ZNF559: variants seen among roughly 807,000 people sequenced by gnomAD.
The protein encoded by ZNF559 is putative protein product of Nbla00121.
ZNF559 carries 17 observed loss-of-function variants against 14.2 expected under a neutral mutation model. The ratio of observed to expected loss-of-function variants is 1.20; its 90% confidence interval spans 0.82 to 1.80. The LOEUF is 1.80. ZNF559 is among the 40% of genes most tolerant of loss of function. ZNF559 has a pLI of 0.00. For missense variants in ZNF559, 740 were observed against 629.7 expected, an observed-to-expected ratio of 1.18 and a Z score of -1.88; for synonymous variants, 244 against 212.4, an observed-to-expected ratio of 1.15 and a Z score of -1.29.
In ZNF559 at chr19:9,342,735, G is replaced by A. The variant is rs2067640349; in HGVS notation, c.1284G>A (p.Leu428=). The change falls in exon 7 of 7, where the codon TTG becomes TTA. Residue 428 remains leucine, a synonymous_variant. Transcript: ENST00000603380. ...FIRSSFLIRH[L]RSHSAERPFE... ...GATCCTCATTTCTTATTCGACATTT[G>A]AGAAGTCACAGTGCAGAAAGGCCTT... The A allele has an allele frequency of 1.2e-6, 2 of 1,614,122 alleles. No individual in the cohort carries two copies. Among genetic ancestry groups the A allele is most frequent in the South Asian group, 2.2e-5 (2 of 91,062 alleles).
At position 9,324,193 on chromosome 19, in the gene ZNF559, C is replaced by G; in HGVS notation, c.-241C>G. On this transcript the variant is annotated 5_prime_UTR_variant, in exon 1 of 7. Coordinates refer to ENST00000603380, the MANE Select transcript of ZNF559 (RefSeq NM_032497.3). ...TGCGTGGGCGCATGCGCATAACGGCCGCCATCTTAACAGCGCGTTCCCGTT... is the reference window on the plus strand; with the variant it reads ...TGCGTGGGCGCATGCGCATAACGGCGGCCATCTTAACAGCGCGTTCCCGTT... The G allele has an allele frequency of 6.5e-7, 1 of 1,536,068 alleles. No homozygotes were observed. Among genetic ancestry groups the G allele is most frequent in the Non-Finnish European group, 8.7e-7 (1 of 1,146,876 alleles).
At chr19:9,326,105 ATTTTTTTTTTTTT>A (rs71183701) in intron 2 of ZNF559, among the ~76,000 whole-genome samples, 2,518 of 73,870 alleles carry the variant, frequency 0.034, 88 homozygotes, top group African/African-American at 0.12. Flanking sequence ...TATTCACCTG[ATTTTTTTTTTTTT>A]TTTTTTTTTT....
At position 9,342,509 on chromosome 19, in the gene ZNF559, AT is replaced by A. The variant is rs1259684686; in HGVS notation, c.1059del (p.Tyr353Ter). Reference protein sequence around the residue: ...HRRTHTGEKPYECKECGKAFA... With the variant: ...HRRTHTGEKPXECKECGKAFA... ...CGAACTCACACTGGAGAAAAGCCTT[AT>A]GAATGTAAGGAATGTGGGAAAGCTT... On this transcript the variant is annotated frameshift_variant, in exon 7 of 7. Transcript: ENST00000603380. LOFTEE classifies it low-confidence loss of function (END_TRUNC). 6.2e-7 allele frequency: 1 copy of A among 1,614,188 alleles called. No individual in the cohort carries two copies. The highest frequency in any genetic ancestry group is 8.5e-7 in the Non-Finnish European group (1 of 1,180,042).
At position 9,342,402 on chromosome 19, in the gene ZNF559, G is replaced by C. The variant is rs750725246; in HGVS notation, c.951G>C (p.Arg317Ser). Reference sequence around the variant, plus strand: ...TCTCAAAACTCAACATTCACATAAGGGTTCACACTGGAGAAAAACCGTATG... The same window carrying C: ...TCTCAAAACTCAACATTCACATAAGCGTTCACACTGGAGAAAAACCGTATG... ...TCFSKLNIHI[R>S]VHTGEKPYEC... Residue 317 changes from arginine to serine, a missense_variant, in exon 7 of 7, where the codon AGG becomes AGC. By Grantham distance (110) the Arg-to-Ser change is moderately radical. Coordinates refer to ENST00000603380, the MANE Select transcript of ZNF559 (RefSeq NM_032497.3). 1 of 1,613,886 alleles carries C rather than the reference G, an allele frequency of 6.2e-7. No individual in the cohort carries two copies. The highest frequency in any genetic ancestry group is 1.3e-5 in the African/African-American group (1 of 75,030).
chr19:9,341,596 C>T, intron 6 of ZNF559, 99 bp from the exon 7 acceptor site: 1 of 1,586,750 alleles, frequency 6.3e-7, no homozygotes, highest in African/African-American at 1.4e-5. Flanking sequence ...ATTATACTAA[C>T]TTATTTTCCA....
At chr19:9,324,148 T>C (rs2066429682), upstream of ZNF559, 1 of 1,535,564 alleles carries the variant, frequency 6.5e-7, no homozygotes, top group African/African-American at 1.4e-5. Flanking sequence ...GTCCTAGCCT[T>C]TGCGCGTGCG....
rs943187647 is a variant in ZNF559 at position 9,345,583 on chromosome 19, T to C, written c.*2515T>C. The stretch of plus-strand genomic sequence containing the variant: ...CATGGTTTCACGTGCTTACTGGCCT[T>C]CTTTAAGCCTTTGGGGAAGAGTCTG... On this transcript the variant is annotated 3_prime_UTR_variant, in exon 7 of 7. Transcript: ENST00000603380. The C allele has an allele frequency of 3.3e-5, 5 of 152,120 alleles. No homozygotes were observed. The highest frequency in any genetic ancestry group is 5.9e-5 in the Non-Finnish European group (4 of 68,014). The allele number at this position is 152,120 out of a possible 1,614,324, so 9.4% of individuals were successfully genotyped here. A position where few individuals can be genotyped will look rare whatever the true frequency, so the allele number is the denominator to read the frequency against.
At chr19:9,337,954 A>G (rs1346177965) in intron 3 of ZNF559, 96 bp downstream of exon 3, 50 of 1,535,952 alleles carry the variant, frequency 3.3e-5, no homozygotes, top group Non-Finnish European at 4.3e-5. Context: ...TTTGGGAACA[A>G]GATATTCAGG....
At chr19:9,324,846 T>C (rs985472266) in intron 2 of ZNF559, 66 bp downstream of exon 2, 2 of 1,390,044 alleles carry the variant, frequency 1.4e-6, no homozygotes, top group African/African-American at 2.9e-5. Flanking sequence ...TGTGTCGAGG[T>C]GGAAAGAAAC....
intron 2 of ZNF559, among the ~76,000 whole-genome samples, chr19:9,331,927 T>C (rs79938126): frequency 0.021 from 3,215 of 152,342 alleles, 109 homozygotes; most frequent in African/African-American, 0.073. Context: ...ATTTATTAAC[T>C]GAGTTATTTT....
chr19:9,327,533 G>A (rs1028439555), intron 2 of ZNF559, among the ~76,000 whole-genome samples: 5 of 152,188 alleles, frequency 3.3e-5, no homozygotes, highest in African/African-American at 1.2e-4. Context: ...ACAGGCATGA[G>A]CTACCGCGCC....
rs1404325640 is a variant in ZNF559, at chr19:9,324,762, A to C, written c.-138A>C. The C allele has an allele frequency of 6.5e-7, 1 of 1,535,588 alleles. No homozygotes were observed. Among genetic ancestry groups the C allele is most frequent in the East Asian group, 2.4e-5 (1 of 40,870 alleles). On this transcript the variant is annotated 5_prime_UTR_variant, in exon 2 of 7. Transcript: ENST00000603380. ...GTGTCCTCCTGGCCTCAGCAACCTGACAATTCTGTCGTGTCCCGGTGAGCA... is the reference window on the plus strand; with the variant it reads ...GTGTCCTCCTGGCCTCAGCAACCTGCCAATTCTGTCGTGTCCCGGTGAGCA...
intron 5 of ZNF559, among the ~76,000 whole-genome samples, chr19:9,340,008 G>A (rs920042613): frequency 1.2e-4 from 16 of 137,990 alleles, no homozygotes; most frequent in Non-Finnish European, 1.8e-4. Context: ...GGATGGTCTC[G>A]ATCTCTTGAC....
At chr19:9,335,333 G>A (rs1168226433) in intron 2 of ZNF559, among the ~76,000 whole-genome samples, 1 of 151,806 alleles carries the variant, frequency 6.6e-6, no homozygotes, top group Non-Finnish European at 1.5e-5. Context: ...GTGTGGTGGT[G>A]GCTTTTGCCT....
At chr19:9,341,018 G>A in intron 5 of ZNF559, 84 bp from the exon 6 acceptor site, 3 of 1,015,350 alleles carry the variant, frequency 3.0e-6, no homozygotes, top group Non-Finnish European at 4.5e-6. Context: ...TGAAACTACA[G>A]TACATACTAG....
Position 9,342,600 on chromosome 19 carries a change from T to A in ZNF559, c.1149T>A (p.Cys383Ter). The A allele has an allele frequency of 6.2e-7, 1 of 1,614,156 alleles. No homozygotes were observed. ...ACACTGGTGAGAAGCCTTATCAATGTAAGGAATGTGGAAAAGCCTTTATTA... is the reference window on the plus strand; with the variant it reads ...ACACTGGTGAGAAGCCTTATCAATGAAAGGAATGTGGAAAAGCCTTTATTA... ...RTHTGEKPYQCKECGKAFINS... is the reference protein window; with the variant it reads ...RTHTGEKPYQ The change falls in exon 7 of 7, where the codon TGT becomes TGA. Residue 383 changes from cysteine (C) to a stop codon, truncating the protein, a stop_gained. Transcript: ENST00000603380. LOFTEE classifies it low-confidence loss of function (END_TRUNC).
upstream of ZNF559, chr19:9,323,972 ATTC>A: frequency 1.7e-6 from 1 of 587,858 alleles, no homozygotes. Context: ...GTTTTGTCTA[ATTC>A]TTTGTTCAAA....
At chr19:9,337,720 C>T (rs1009256583) in intron 2 of ZNF559, 76 bp from the exon 3 acceptor site, 18 of 1,104,226 alleles carry the variant, frequency 1.6e-5, no homozygotes, top group Admixed American at 3.3e-5. Flanking sequence ...ACTAGGTAAA[C>T]GGGATTTGTT....
intron 2 of ZNF559, among the ~76,000 whole-genome samples, chr19:9,332,160 A>G (rs1266679743): frequency 1.3e-5 from 2 of 152,160 alleles, no homozygotes; most frequent in South Asian, 2.1e-4. Context: ...ATTGAACTTC[A>G]TTAAAAACAA....
Sources: allele counts gnomAD v4.1 joint callset (sites outside exome capture counted in the v4.1 genomes callset), GRCh38; gene constraint gnomAD v4.1.1; transcripts MANE v1.5; gene names NCBI Gene and HGNC (gene_info 2026-07-23, HGNC 2026-07-21).